The following RBMS1 variants were observed in gnomAD, a reference collection of about 807,000 sequenced individuals.
The protein encoded by RBMS1 is RNA-binding motif, single-stranded-interacting protein 1.
In RBMS1, 17 loss-of-function variants were observed where a neutral mutation model predicts 62.3. The ratio of observed to expected loss-of-function variants is 0.27; its 90% CI spans 0.19 to 0.41. The LOEUF is 0.41. Among genes scored for constraint, RBMS1 ranks in the 10% least tolerant of loss-of-function variants. The pLI is 1.00. For missense variants in RBMS1, 334 were observed against 504.5 expected (o/e 0.66, Z 3.24); for synonymous variants, 172 against 170.0 (o/e 1.01, Z -0.09).
intron 4 of RBMS1, among the ~76,000 whole-genome samples, chr2:160,308,345 G>A (rs1332267589): frequency 6.6e-6 from 1 of 151,968 alleles, no homozygotes; most frequent in Non-Finnish European, 1.5e-5. Context: ...GCAGTGAGCC[G>A]ATATCACCCC....
intron 1 of RBMS1, among the ~76,000 whole-genome samples, chr2:160,444,999 A>G (rs1488498159): frequency 2.0e-5 from 3 of 152,208 alleles, no homozygotes; most frequent in Non-Finnish European, 4.4e-5. Flanking sequence ...TTGTTATGGC[A>G]GCCCGAGCAG....
chr2:160,450,517 GCAACAAAAGTGAAATTCCATCT>G (rs1683920271), intron 1 of RBMS1, among the ~76,000 whole-genome samples: 1 of 107,390 alleles, frequency 9.3e-6, no homozygotes, highest in Non-Finnish European at 1.9e-5. Context: ...TCCAGGCTGG[GCAACAAAAGTGAAATTCCATCT>G]CAAAAAAAAT....
At chr2:160,294,134 G>GA (rs1249061895) in intron 6 of RBMS1, among the ~76,000 whole-genome samples, 2 of 152,062 alleles carry the variant, frequency 1.3e-5, no homozygotes, top group Non-Finnish European at 2.9e-5. Context: ...AATATTTCAG[G>GA]AAAAAATGCA....
chr2:160,469,266 A>C (rs934888367), intron 1 of RBMS1, among the ~76,000 whole-genome samples: 2 of 151,970 alleles, frequency 1.3e-5, no homozygotes, highest in African/African-American at 4.8e-5. Context: ...CTCTTTTCTG[A>C]GTTTACCCTC....
At chr2:160,484,405 G>T (rs1478105837) in intron 1 of RBMS1, among the ~76,000 whole-genome samples, 2 of 151,518 alleles carry the variant, frequency 1.3e-5, no homozygotes, top group Non-Finnish European at 2.9e-5. Context: ...TGAGGCAGGA[G>T]AATGGCGTGA....
intron 2 of RBMS1, among the ~76,000 whole-genome samples, chr2:160,348,067 C>T (rs1161181968): frequency 1.3e-5 from 2 of 151,884 alleles, no homozygotes; most frequent in East Asian, 1.9e-4. Context: ...ATTTTATTAC[C>T]GGAAAAAGTT....
intron 1 of RBMS1, among the ~76,000 whole-genome samples, chr2:160,383,249 C>T (rs1694372684): frequency 6.6e-6 from 1 of 152,124 alleles, no homozygotes; most frequent in African/African-American, 2.4e-5. Flanking sequence ...CCTGCTGTTC[C>T]TTGCCTTGTG....
intron 1 of RBMS1, among the ~76,000 whole-genome samples, chr2:160,386,836 A>G (rs544496733): frequency 6.6e-6 from 1 of 152,342 alleles, no homozygotes. Flanking sequence ...CTAAGACATC[A>G]ACCATTCAGG....
At chr2:160,404,950 A>T (rs1695621734) in intron 1 of RBMS1, among the ~76,000 whole-genome samples, 1 of 152,222 alleles carries the variant, frequency 6.6e-6, no homozygotes, top group Non-Finnish European at 1.5e-5. Flanking sequence ...GTGGCTTGGA[A>T]GGGAGTGATT....
At chr2:160,470,468 T>C (rs1043505310) in intron 1 of RBMS1, among the ~76,000 whole-genome samples, 4 of 152,190 alleles carry the variant, frequency 2.6e-5, no homozygotes, top group Non-Finnish European at 4.4e-5. Flanking sequence ...TATTTAAAAA[T>C]GTTACCTGTA....
chr2:160,445,088 A>T (rs944427381), intron 1 of RBMS1, among the ~76,000 whole-genome samples: 1 of 152,152 alleles, frequency 6.6e-6, no homozygotes, highest in African/African-American at 2.4e-5. Context: ...AAAAGATCTA[A>T]TTTTTACTCC....
intron 1 of RBMS1, among the ~76,000 whole-genome samples, chr2:160,475,874 T>TTG (rs1553533494): frequency 4.2e-5 from 6 of 142,064 alleles, no homozygotes; most frequent in African/African-American, 1.6e-4. Context: ...TTTTTTTTTT[T>TTG]GAGAAGGGTT....
chr2:160,471,716 T>TATATATATATATGTATATATATATATAA (rs371634389), intron 1 of RBMS1, among the ~76,000 whole-genome samples: 1 of 76,234 alleles, frequency 1.3e-5, no homozygotes, highest in Non-Finnish European at 2.7e-5. Flanking sequence ...TATATATATA[T>TATATATATATATGTATATATATATATAA]AACCTTTCAT....
chr2:160,438,894 TC>T (rs1378811012), intron 1 of RBMS1, among the ~76,000 whole-genome samples: 8 of 92,122 alleles, frequency 8.7e-5, no homozygotes, highest in Admixed American at 4.3e-4. Flanking sequence ...GGGGGCTGAC[TC>T]CCCCCACCTC....
At chr2:160,394,724 A>G (rs1695049606) in intron 1 of RBMS1, among the ~76,000 whole-genome samples, 1 of 152,226 alleles carries the variant, frequency 6.6e-6, no homozygotes, top group African/African-American at 2.4e-5. Context: ...CCTCACATAA[A>G]AGCAATTCTG....
chr2:160,464,890 C>A (rs1437204678), intron 1 of RBMS1, among the ~76,000 whole-genome samples: 1 of 152,156 alleles, frequency 6.6e-6, no homozygotes, highest in African/African-American at 2.4e-5. Flanking sequence ...TTTCTGTACA[C>A]CATAAGGAAG....
At chr2:160,487,551 C>G (rs7423572) in intron 1 of RBMS1, among the ~76,000 whole-genome samples, 40,374 of 152,072 alleles carry the variant, frequency 0.27, 6,090 homozygotes, top group African/African-American at 0.4. Context: ...AGTCCTTCAT[C>G]ATGAGCCTCA....
At chr2:160,310,601 G>C (rs1689797485) in intron 4 of RBMS1, among the ~76,000 whole-genome samples, 1 of 152,184 alleles carries the variant, frequency 6.6e-6, no homozygotes, top group African/African-American at 2.4e-5. Context: ...AGTGGCTGCA[G>C]AAGTCGTGAG....
In RBMS1 at chr2:160,415,089, C is replaced by T. The variant is rs112625315; in HGVS notation, c.76-47698G>A. Reference sequence around the variant, plus strand: ...TTGCTGTTTTCCTAAATTGACTGGACGATGTCTCAATCTTCTATACTCTGA... The same window carrying T: ...TTGCTGTTTTCCTAAATTGACTGGATGATGTCTCAATCTTCTATACTCTGA... On this transcript the variant is annotated intron_variant, in intron 1 of 13. Coordinates refer to ENST00000348849, the MANE Select transcript of RBMS1 (RefSeq NM_016836.4). Among the ~76,000 whole-genome samples, 824 of 151,476 alleles carry T rather than the reference C, an allele frequency of 5.4e-3. 8 individuals are homozygous for T. The highest frequency in any genetic ancestry group is 0.018 in the African/African-American group (760 of 41,284).
Sources: gnomAD v4.1 joint callset for allele counts (sites outside exome capture counted in the v4.1 genomes callset) on GRCh38, gnomAD v4.1.1 for gene constraint, MANE v1.5 for transcripts, NCBI Gene and HGNC (gene_info 2026-07-23, HGNC 2026-07-21) for gene names.